HELZ: variants seen among roughly 807,000 people sequenced by gnomAD.
The protein encoded by HELZ is helicase with zinc finger, also known as ATP-dependent RNA helicase with zinc finger domain.
In HELZ, 23 loss-of-function variants were observed where a neutral mutation model predicts 218.2. The ratio of observed to expected loss-of-function variants is 0.11; its 90% CI spans 0.08 to 0.15. HELZ has a LOEUF of 0.15. Among genes scored for constraint, HELZ ranks in the 10% least tolerant of loss-of-function variants. The probability of loss-of-function intolerance (pLI) is 1.00; values close to 1 mark genes in which losing one functional copy is unlikely to be tolerated. For missense variants in HELZ, 1,813 were observed against 2,353.7 expected (o/e 0.77, Z 4.75); for synonymous variants, 814 against 829.4 (o/e 0.98, Z 0.32).
chr17:67,245,471 C>T, upstream of HELZ: 1 of 985,772 alleles, frequency 1.0e-6, no homozygotes, highest in East Asian at 1.1e-4. Context: ...CTCGCCTCGC[C>T]GCGTTCCTGC....
chr17:67,218,086 TACC>T (rs2040652392), intron 4 of HELZ, among the ~76,000 whole-genome samples: 1 of 151,768 alleles, frequency 6.6e-6, no homozygotes, highest in South Asian at 2.1e-4. Context: ...AGGCACGCGC[TACC>T]ACGCCTGGCT....
At chr17:67,210,645 C>G (rs990041411) in intron 5 of HELZ, among the ~76,000 whole-genome samples, 1 of 152,182 alleles carries the variant, frequency 6.6e-6, no homozygotes, top group Non-Finnish European at 1.5e-5. Context: ...AAAAAATGGC[C>G]GGGCACAGTG....
chr17:67,213,633 T>A (rs191458767), intron 5 of HELZ, among the ~76,000 whole-genome samples: 88 of 151,626 alleles, frequency 5.8e-4, no homozygotes, highest in Non-Finnish European at 1.1e-3. Flanking sequence ...AAAAAATAAA[T>A]AAAATAAAAT....
chr17:67,080,441 A>G (rs2036154084), intron 32 of HELZ, among the ~76,000 whole-genome samples: 1 of 152,154 alleles, frequency 6.6e-6, no homozygotes, highest in Non-Finnish European at 1.5e-5. Flanking sequence ...AATTCTGGAT[A>G]TTCTCACAGA....
chr17:67,131,947 G>A, intron 23 of HELZ, among the ~76,000 whole-genome samples: 1 of 152,054 alleles, frequency 6.6e-6, no homozygotes, highest in Non-Finnish European at 1.5e-5. Flanking sequence ...ATAGAATGAG[G>A]ACAAGAATTC....
At chr17:67,219,513 G>A (rs1018248040) in intron 3 of HELZ, among the ~76,000 whole-genome samples, 1 of 152,206 alleles carries the variant, frequency 6.6e-6, no homozygotes, top group Non-Finnish European at 1.5e-5. Context: ...AAGGTGAACA[G>A]GAGTTCACCA....
At chr17:67,116,014 T>C (rs1457376304) in intron 27 of HELZ, among the ~76,000 whole-genome samples, 1 of 152,084 alleles carries the variant, frequency 6.6e-6, no homozygotes, top group African/African-American at 2.4e-5. Flanking sequence ...AAATACATGA[T>C]AACAATAGCA....
chr17:67,223,926 G>T (rs1360450638), intron 3 of HELZ, among the ~76,000 whole-genome samples: 2 of 152,162 alleles, frequency 1.3e-5, no homozygotes, highest in African/African-American at 4.8e-5. Context: ...ATCTGTTGCT[G>T]ACCTATAAAA....
chr17:67,237,129 C>T (rs532529116), intron 3 of HELZ, among the ~76,000 whole-genome samples: 1 of 152,162 alleles, frequency 6.6e-6, no homozygotes, highest in African/African-American at 2.4e-5. Context: ...CACCTGAGGT[C>T]AGGAATTCGA....
intron 32 of HELZ, among the ~76,000 whole-genome samples, chr17:67,081,139 T>C (rs913598569): frequency 1.3e-5 from 2 of 152,236 alleles, no homozygotes; most frequent in African/African-American, 2.4e-5. Context: ...GCTTTGACTA[T>C]GCAACAAAGA....
intron 2 of HELZ, among the ~76,000 whole-genome samples, chr17:67,241,093 A>G (rs899023714): frequency 1.3e-5 from 2 of 152,234 alleles, no homozygotes; most frequent in African/African-American, 4.8e-5. Flanking sequence ...GCACTCATCA[A>G]CTGAAATGAA....
intron 31 of HELZ, among the ~76,000 whole-genome samples, chr17:67,102,916 AC>A (rs1236296744): frequency 6.6e-6 from 1 of 152,220 alleles, no homozygotes; most frequent in Non-Finnish European, 1.5e-5. Flanking sequence ...GAAATATCAG[AC>A]ATTAAGAGCA....
chr17:67,204,692 G>C (rs998225294), intron 5 of HELZ, among the ~76,000 whole-genome samples: 1 of 151,738 alleles, frequency 6.6e-6, no homozygotes, highest in South Asian at 2.1e-4. Context: ...TATTTGACAG[G>C]GTTTTATTCA....
chr17:67,215,670 A>G (rs1598437688), intron 5 of HELZ: 1 of 533,344 alleles, frequency 1.9e-6, no homozygotes, highest in South Asian at 2.1e-5. Flanking sequence ...AAAAGGACAC[A>G]TCATCAATGT....
intron 3 of HELZ, among the ~76,000 whole-genome samples, chr17:67,219,797 AC>A (rs1255999013): frequency 2.0e-5 from 3 of 152,258 alleles, no homozygotes; most frequent in African/African-American, 7.2e-5. Flanking sequence ...ACAGCTTGCC[AC>A]AGGGGAAGAA....
rs1459393424 is a variant in HELZ at position 67,074,096 on chromosome 17, A to C, written c.*4156T>G. ...ATCAGATGGCAAAGAGTGGAGACAA[A>C]TCAGATCCATTAAGACATTTATACC... is the stretch of plus-strand genomic sequence containing the variant. On this transcript the variant is annotated 3_prime_UTR_variant, in exon 33 of 33. Coordinates refer to ENST00000358691, the MANE Select transcript of HELZ (RefSeq NM_014877.4). 2.0e-5 allele frequency: 3 copies of C among 152,200 alleles called. No individual in the cohort carries two copies. The highest frequency in any genetic ancestry group is 2.9e-5 in the Non-Finnish European group (2 of 68,014). The allele number at this position is 152,200 out of a possible 1,614,324, so 9.4% of individuals were successfully genotyped here.
chr17:67,245,248 A>ACTCCCGC (rs2041451870), upstream of HELZ: 20 of 972,646 alleles, frequency 2.1e-5, no homozygotes, highest in Admixed American at 1.3e-4. Flanking sequence ...CCGGCCCCCG[A>ACTCCCGC]CTCCCGCCTC....
rs777032825 is a variant in HELZ, at chr17:67,078,379, C to A, written c.5702G>T (p.Arg1901Leu). 4.3e-6 allele frequency: 7 copies of A among 1,610,128 alleles called. No homozygotes were observed. The highest frequency in any genetic ancestry group is 1.3e-5 in the African/African-American group (1 of 74,636). The change falls in exon 33 of 33, where the codon CGG becomes CTG. Residue 1901 changes from arginine to leucine, a missense_variant. Arg to Leu is a moderately radical substitution (Grantham distance 102). Around this residue, in one of 4 missense-constraint regions of HELZ, gnomAD observed 938 missense variants for 1,027.5 expected, o/e 0.91. Transcript: ENST00000358691. ...KPAMSYASAL[R>L]APPKPRPPPE... ...AGGGGGCCTGGGCTTTGGAGGGGCC[C>A]GCAGAGCGCTGGCATAGGACATGGC... is the stretch of plus-strand genomic sequence containing the variant.
At chr17:67,151,315 G>A (rs1408921452) in intron 17 of HELZ, 91 bp from the exon 18 acceptor site, 1 of 1,034,568 alleles carries the variant, frequency 9.7e-7, no homozygotes, top group Non-Finnish European at 1.4e-6. Flanking sequence ...TTTTAAGATG[G>A]TAATATCTGA....
Sources: allele counts gnomAD v4.1 joint callset (sites outside exome capture counted in the v4.1 genomes callset), GRCh38; gene constraint gnomAD v4.1.1; regional missense constraint gnomAD v4.1.1; transcripts MANE v1.5; gene names NCBI Gene and HGNC (gene_info 2026-07-23, HGNC 2026-07-21).